MTMR8: variants seen among roughly 807,000 people sequenced by gnomAD.
The protein encoded by MTMR8 is phosphatidylinositol-3,5-bisphosphate 3-phosphatase MTMR8.
Under a neutral mutation model 39.3 loss-of-function variants are expected in MTMR8, and 65 were observed. That is an observed-to-expected ratio of 1.65 (90% CI 1.35 to 2.03). The LOEUF (loss-of-function observed/expected upper bound fraction) is 2.03. MTMR8 is among the 30% of genes most tolerant of loss of function. MTMR8 has a pLI of 0.00. For missense variants in MTMR8, 777 were observed against 538.9 expected, an observed-to-expected ratio of 1.44 and a Z score of -4.37; for synonymous variants, 245 against 185.2, an observed-to-expected ratio of 1.32 and a Z score of -2.62.
At chrX:64,386,375 G>T (rs1050821745) in intron 1 of MTMR8, among the ~76,000 whole-genome samples, 13 of 111,929 alleles carry the variant, frequency 1.2e-4, no homozygotes, top group African/African-American at 3.9e-4. Flanking sequence ...AGAAAGGAGG[G>T]AGCAAGGTGG....
At chrX:64,330,888 A>T (rs990855826) in intron 11 of MTMR8, among the ~76,000 whole-genome samples, 6 of 111,859 alleles carry the variant, frequency 5.4e-5, no homozygotes, top group African/African-American at 1.6e-4. Context: ...CTGGATTTTA[A>T]TGTGAAATCT....
At chrX:64,327,188 T>G (rs1261014639) in intron 12 of MTMR8, among the ~76,000 whole-genome samples, 2 of 111,558 alleles carry the variant, frequency 1.8e-5, no homozygotes, top group Non-Finnish European at 3.8e-5. Flanking sequence ...CAAATGAGAT[T>G]ACATCAAACT....
intron 12 of MTMR8, among the ~76,000 whole-genome samples, chrX:64,321,187 G>T (rs190039094): frequency 9.0e-6 from 1 of 111,242 alleles, no homozygotes; most frequent in African/African-American, 3.3e-5. Flanking sequence ...AAACAAAAAC[G>T]TATGCCCCAT....
intron 1 of MTMR8, among the ~76,000 whole-genome samples, chrX:64,360,063 TAAAAG>T (rs1459976607): frequency 9.1e-6 from 1 of 109,910 alleles, no homozygotes; most frequent in Non-Finnish European, 1.9e-5. Flanking sequence ...ACTTACCAAT[TAAAAG>T]AAAGACACAG....
At chrX:64,272,519 T>A (rs1242803502) in intron 12 of MTMR8, among the ~76,000 whole-genome samples, 1 of 111,107 alleles carries the variant, frequency 9.0e-6, no homozygotes, top group East Asian at 2.8e-4. Flanking sequence ...TAAAATAGCT[T>A]AAAGGACCTA....
intron 12 of MTMR8, among the ~76,000 whole-genome samples, chrX:64,308,491 GATTT>G (rs898868676): frequency 4.6e-5 from 5 of 109,258 alleles, no homozygotes; most frequent in African/African-American, 1.0e-4. Flanking sequence ...TACTTTTTAT[GATTT>G]ATTTTTTAGT....
intron 3 of MTMR8, among the ~76,000 whole-genome samples, chrX:64,355,534 G>A (rs1348967177): frequency 9.0e-6 from 1 of 111,571 alleles, no homozygotes; most frequent in Non-Finnish European, 1.9e-5. Context: ...AGGCCATCCA[G>A]CAGGTAACTT....
chrX:64,277,324 G>A lies in MTMR8; in HGVS notation c.1482-6251C>T, dbSNP rs111496509. Among the ~76,000 whole-genome samples the A allele has an allele frequency of 2.5e-3, 277 of 111,796 alleles. 1 individual carries two copies. Among genetic ancestry groups the A allele is most frequent in the African/African-American group, 8.5e-3 (261 of 30,760 alleles). On this transcript the variant is annotated intron_variant, in intron 12 of 13. Transcript: ENST00000374852. ...GGTTATTTTGCCTGTCAGTTGATGCGATTTCTTCATAGTGCTGATGGTCTT... is the reference window on the plus strand; with the variant it reads ...GGTTATTTTGCCTGTCAGTTGATGCAATTTCTTCATAGTGCTGATGGTCTT...
At chrX:64,363,939 C>T (rs913624731) in intron 1 of MTMR8, among the ~76,000 whole-genome samples, 2 of 112,447 alleles carry the variant, frequency 1.8e-5, no homozygotes, top group Admixed American at 1.9e-4. Context: ...AGATTATATC[C>T]CGTGCCTAGC....
At position 64,356,233 on chromosome X, in the gene MTMR8, C is replaced by T; in HGVS notation, c.253G>A (p.Asp85Asn). 8.3e-7 allele frequency: 1 copy of T among 1,209,113 alleles called. No homozygotes were observed. Among genetic ancestry groups the T allele is most frequent in the Non-Finnish European group, 1.1e-6 (1 of 894,242 alleles). ...KNFRVAHFVL[D>N]SDLVCHEVYI... ...ACCTCATGGCACACAAGGTCAGAATCTAAAACAAAGTGGGCCACCCGGAAA... is the reference window on the plus strand; with the variant it reads ...ACCTCATGGCACACAAGGTCAGAATTTAAAACAAAGTGGGCCACCCGGAAA... The change falls in exon 3 of 14, where the codon GAT (aspartate) becomes AAT (asparagine). Residue 85 changes from aspartate (D) to asparagine (N), a missense_variant. Coordinates refer to ENST00000374852, the MANE Select transcript of MTMR8 (RefSeq NM_017677.4).
In MTMR8 at chrX:64,268,691, A is replaced by G. The variant is rs1931686138; in HGVS notation, c.1961T>C (p.Ile654Thr). The G allele has an allele frequency of 8.3e-7, 1 of 1,211,599 alleles. No individual in the cohort carries two copies. Among genetic ancestry groups the G allele is most frequent in the East Asian group, 3.0e-5 (1 of 33,831 alleles). The change falls in exon 14 of 14, where the codon ATC (isoleucine) becomes ACC (threonine). Residue 654 changes from isoleucine (I) to threonine (T), a missense_variant. Coordinates refer to ENST00000374852, the MANE Select transcript of MTMR8 (RefSeq NM_017677.4). ...CTCAGAGATGTCCATGGCCCCACAG[A>G]TTCCTAAGTCTTTGGAGAAGCCCGT... is the stretch of plus-strand genomic sequence containing the variant. ...EATGFSKDLGICGAMDISEAT... is the reference protein window; with the variant it reads ...EATGFSKDLGTCGAMDISEAT...
intron 12 of MTMR8, among the ~76,000 whole-genome samples, chrX:64,275,619 G>T (rs1931855721): frequency 1.0e-5 from 1 of 97,078 alleles, no homozygotes; most frequent in Non-Finnish European, 2.0e-5. Context: ...CGTCCAGTCT[G>T]CAGCCAGGCC....
In MTMR8 at chrX:64,298,215, C is replaced by T. The variant is rs1168673698; in HGVS notation, c.1482-27142G>A. 1.9e-5 allele frequency among the ~76,000 whole-genome samples: 2 copies of T among 104,069 alleles called. 1 individual carries two copies. Among genetic ancestry groups the T allele is most frequent in the Admixed American group, 2.1e-4 (2 of 9,508 alleles). The allele number at this position is 104,069 out of a possible 115,157, so 90.4% of individuals were successfully genotyped here. On this transcript the variant is annotated intron_variant, in intron 12 of 13. Coordinates refer to ENST00000374852, the MANE Select transcript of MTMR8 (RefSeq NM_017677.4). ...GATATTGATTCTTCCTACCCATGAG[C>T]GTGGAATGTTCTTCCATTTGTTTGT... is the stretch of plus-strand genomic sequence containing the variant.
intron 1 of MTMR8, among the ~76,000 whole-genome samples, chrX:64,378,399 T>C (rs1924325735): frequency 9.0e-6 from 1 of 111,270 alleles, no homozygotes; most frequent in African/African-American, 3.3e-5. Context: ...TTTTTAACTT[T>C]TTGTAGAGAA....
chrX:64,343,263 G>C (rs1923263559), intron 8 of MTMR8, among the ~76,000 whole-genome samples: 1 of 111,886 alleles, frequency 8.9e-6, no homozygotes, highest in Non-Finnish European at 1.9e-5. Context: ...AGTTTTTAAT[G>C]TGAAGTCCAG....
chrX:64,365,466 A>G (rs1378308110), intron 1 of MTMR8, among the ~76,000 whole-genome samples: 2 of 112,053 alleles, frequency 1.8e-5, no homozygotes, highest in Non-Finnish European at 3.8e-5. Context: ...CAACATTCTT[A>G]AAGAAAAGAA....
intron 12 of MTMR8, among the ~76,000 whole-genome samples, chrX:64,285,787 G>T (rs1344840316): frequency 1.8e-5 from 2 of 111,054 alleles, no homozygotes; most frequent in East Asian, 5.6e-4. Flanking sequence ...CGAGAACAAA[G>T]ACACAACATA....
chrX:64,353,846 G>A (rs765327472), intron 4 of MTMR8, among the ~76,000 whole-genome samples: 158 of 110,615 alleles, frequency 1.4e-3, no homozygotes, highest in Non-Finnish European at 2.6e-3. Context: ...AGGACCACTT[G>A]AGCCCAAGAG....
At chrX:64,347,813 C>A (rs1923383249) in intron 6 of MTMR8, among the ~76,000 whole-genome samples, 1 of 111,943 alleles carries the variant, frequency 8.9e-6, no homozygotes, top group Admixed American at 9.5e-5. Context: ...CTTCTACAGC[C>A]CATATAGAGC....
Sources: gnomAD v4.1 joint callset for allele counts (sites outside exome capture counted in the v4.1 genomes callset) on GRCh38, gnomAD v4.1.1 for gene constraint, MANE v1.5 for transcripts, NCBI Gene and HGNC (gene_info 2026-07-23, HGNC 2026-07-21) for gene names.